Variants in PCDH15 observed in about 807,000 individuals in gnomAD.
PCDH15 encodes protocadherin related 15.
A neutral mutation model predicts 178.5 loss-of-function variants in PCDH15; 129 were observed. The observed-to-expected ratio is 0.72, with a 90% CI of 0.63 to 0.84. The LOEUF is 0.84. Among genes scored for constraint, PCDH15 ranks in the 40% least tolerant of loss-of-function variants. The pLI is 0.00. For missense variants in PCDH15, 2,230 were observed against 2,099.9 expected, an observed-to-expected ratio of 1.06 and a Z score of -1.21; for synonymous variants, 800 against 732.0, an observed-to-expected ratio of 1.09 and a Z score of -1.50.
intron 2 of PCDH15, among the ~76,000 whole-genome samples, chr10:54,999,306 ATT>A (rs36046867): frequency 1.2e-4 from 18 of 151,660 alleles, no homozygotes; most frequent in Admixed American, 9.9e-4. Context: ...AATAAAGAAA[ATT>A]TTTTTTTTAA....
At chr10:54,343,789 G>C (rs1942720116) in intron 6 of PCDH15, among the ~76,000 whole-genome samples, 1 of 149,926 alleles carries the variant, frequency 6.7e-6, no homozygotes. Flanking sequence ...AGAACTTAAA[G>C]TAAAATAATA....
chr10:53,866,841 GTATCTTTATC>G lies in PCDH15; in HGVS notation c.3508_3517del (p.Asp1170LeufsTer12). The G allele has an allele frequency of 1.2e-6, 2 of 1,609,058 alleles. No individual in the cohort carries two copies. The highest frequency in any genetic ancestry group is 1.7e-6 in the Non-Finnish European group (2 of 1,176,262). On this transcript the variant is annotated frameshift_variant, in exon 27 of 38. Coordinates refer to ENST00000644397, the MANE Select transcript of PCDH15 (RefSeq NM_001384140.1). LOFTEE classifies it high-confidence loss of function. ...GTAGGCCATGACACTATAATTGCCA[GTATCTTTATC>G]AGTAGCCTAGACGGAGGGGAAAAAA...
At chr10:54,389,358 G>A (rs1460023985) in intron 3 of PCDH15, among the ~76,000 whole-genome samples, 3 of 152,030 alleles carry the variant, frequency 2.0e-5, no homozygotes, top group Non-Finnish European at 4.4e-5. Flanking sequence ...TCTAAAATAG[G>A]GCTTCTCAAT....
At chr10:53,853,264 A>T (rs1200188745) in intron 28 of PCDH15, among the ~76,000 whole-genome samples, 4 of 152,098 alleles carry the variant, frequency 2.6e-5, no homozygotes, top group Non-Finnish European at 5.9e-5. Context: ...TACAAAAATT[A>T]ACTCAAAATG....
At chr10:55,015,574 C>T (rs541729329) in intron 2 of PCDH15, among the ~76,000 whole-genome samples, 6 of 152,166 alleles carry the variant, frequency 3.9e-5, no homozygotes, top group Admixed American at 1.3e-4. Context: ...TATGGTCAAC[C>T]GTTACTGACA....
intron 2 of PCDH15, among the ~76,000 whole-genome samples, chr10:55,489,049 T>TA (rs1279011864): frequency 7.3e-5 from 11 of 151,634 alleles, no homozygotes; most frequent in African/African-American, 2.2e-4. Context: ...GATTTAATTA[T>TA]AAAAAATTAT....
chr10:54,658,300 A>G (rs1410384293), intron 2 of PCDH15, among the ~76,000 whole-genome samples: 4 of 152,108 alleles, frequency 2.6e-5, no homozygotes, highest in South Asian at 4.1e-4. Context: ...TCTGTAAGAT[A>G]TTATACAAAT....
chr10:55,588,168 A>G (rs893147016), intron 2 of PCDH15, among the ~76,000 whole-genome samples: 3 of 152,188 alleles, frequency 2.0e-5, no homozygotes, highest in Non-Finnish European at 2.9e-5. Flanking sequence ...TCACCTTATT[A>G]GCAAATGCAA....
chr10:54,685,859 C>A (rs557225129), intron 1 of PCDH15, among the ~76,000 whole-genome samples: 37 of 151,974 alleles, frequency 2.4e-4, no homozygotes, highest in Non-Finnish European at 4.4e-4. Context: ...AGTAAAGTTT[C>A]CACTGAATGC....
intron 1 of PCDH15, among the ~76,000 whole-genome samples, chr10:54,729,055 T>C (rs986838955): frequency 3.3e-5 from 5 of 151,302 alleles, no homozygotes; most frequent in Non-Finnish European, 7.4e-5. Flanking sequence ...ATTTTTCACA[T>C]AATTACAAAA....
chr10:54,086,548 G>A (rs914031718), intron 16 of PCDH15, among the ~76,000 whole-genome samples: 50 of 152,170 alleles, frequency 3.3e-4, no homozygotes, highest in Non-Finnish European at 8.8e-5. Context: ...TTCAAAGAAG[G>A]TGGCAGTTGA....
At chr10:54,027,190 A>T (rs1329572101) in intron 18 of PCDH15, among the ~76,000 whole-genome samples, 3 of 148,678 alleles carry the variant, frequency 2.0e-5, no homozygotes, top group Non-Finnish European at 3.0e-5. Context: ...CCCATTCACA[A>T]TTGCTTCAAA....
intron 3 of PCDH15, among the ~76,000 whole-genome samples, chr10:54,518,649 C>T (rs148464473): frequency 0.062 from 9,454 of 152,230 alleles, 320 homozygotes; most frequent in Non-Finnish European, 0.083. Flanking sequence ...GGAGCTGGTA[C>T]CATTCCTTCT....
intron 2 of PCDH15, among the ~76,000 whole-genome samples, chr10:54,898,166 G>C (rs1020905249): frequency 1.3e-5 from 2 of 152,112 alleles, no homozygotes; most frequent in Non-Finnish European, 2.9e-5. Flanking sequence ...TTCCTGTACA[G>C]ACTGCAGAAC....
In PCDH15 at chr10:53,807,052, C is replaced by G; in HGVS notation, c.4750G>C (p.Glu1584Gln). The change falls in exon 38 of 38, where the codon GAA becomes CAA. Residue 1584 changes from glutamate (E) to glutamine (Q), a missense_variant. Glu to Gln is a conservative substitution (Grantham distance 29). Coordinates refer to ENST00000644397, the MANE Select transcript of PCDH15 (RefSeq NM_001384140.1). ...TGGTGAAGACGGTTTCTCTGACATT[C>G]AGGAGCACTGTCTTCTCCAGTTGAG... ...TSSTGEDSAP[E>Q]CQRNRLHHPS... 1 of 1,613,440 alleles carries G rather than the reference C, an allele frequency of 6.2e-7. No individual in the cohort carries two copies. Among genetic ancestry groups the G allele is most frequent in the Non-Finnish European group, 8.5e-7 (1 of 1,179,776 alleles).
chr10:55,312,285 T>C (rs540235140), intron 1 of PCDH15, among the ~76,000 whole-genome samples: 92 of 152,214 alleles, frequency 6.0e-4, no homozygotes, highest in African/African-American at 2.2e-3. Context: ...AAAAATGCTA[T>C]ATGAATGCAA....
chr10:54,242,128 TTTTATATATATATATATA>T (rs1382597737), intron 8 of PCDH15, among the ~76,000 whole-genome samples: 1,647 of 61,976 alleles, frequency 0.027, 90 homozygotes, highest in Middle Eastern at 0.047. Flanking sequence ...TGAATTCTAT[TTTTATATATATATATATA>T]TATATATATA....
At chr10:54,549,293 T>A (rs1170435135) in intron 2 of PCDH15, among the ~76,000 whole-genome samples, 1 of 151,960 alleles carries the variant, frequency 6.6e-6, no homozygotes, top group South Asian at 2.1e-4. Context: ...TTTTCAACCA[T>A]GAGAAGTTAA....
At chr10:55,319,427 G>A (rs1843825468) in intron 1 of PCDH15, among the ~76,000 whole-genome samples, 1 of 152,098 alleles carries the variant, frequency 6.6e-6, no homozygotes, top group South Asian at 2.1e-4. Context: ...TTTAAAAATA[G>A]ATAGGGCTAA....
Sources: gnomAD v4.1 joint callset for allele counts (sites outside exome capture counted in the v4.1 genomes callset) on GRCh38, gnomAD v4.1.1 for gene constraint, MANE v1.5 for transcripts, NCBI Gene and HGNC (gene_info 2026-07-23, HGNC 2026-07-21) for gene names.